TRPM3: variants seen among roughly 807,000 people sequenced by gnomAD.
TRPM3 encodes the protein long transient receptor potential channel 3.
TRPM3 carries 77 observed loss-of-function variants against 181.2 expected under a neutral mutation model. The observed-to-expected ratio is 0.42, with a 90% confidence interval of 0.35 to 0.51. The LOEUF is 0.51. Among genes scored for constraint, TRPM3 ranks in the 20% least tolerant of loss-of-function variants. TRPM3 has a pLI of 0.01. For missense variants in TRPM3, 1,759 were observed against 2,196.7 expected (o/e 0.80, Z 3.98); for synonymous variants, 745 against 796.4 (o/e 0.94, Z 1.09).
intron 4 of TRPM3, among the ~76,000 whole-genome samples, chr9:70,843,507 A>G (rs1454932330): frequency 4.6e-5 from 7 of 151,736 alleles, no homozygotes; most frequent in Admixed American, 3.3e-4. Flanking sequence ...TAAAAGCACC[A>G]TGTATAATGG....
At chr9:71,425,468 C>T (rs72735855) in intron 1 of TRPM3, among the ~76,000 whole-genome samples, 1,826 of 152,220 alleles carry the variant, frequency 0.012, 23 homozygotes, top group Middle Eastern at 0.037. Flanking sequence ...GATTCATGTG[C>T]CTCTCTTAAC....
intron 1 of TRPM3, among the ~76,000 whole-genome samples, chr9:71,220,134 A>T (rs2080143126): frequency 6.6e-6 from 1 of 152,152 alleles, no homozygotes; most frequent in African/African-American, 2.4e-5. Flanking sequence ...TACATGTTTA[A>T]AGCCCCTCTA....
chr9:70,843,197 T>A (rs2094792206), intron 4 of TRPM3, 70 bp from the exon 5 acceptor site: 19 of 1,496,212 alleles, frequency 1.3e-5, no homozygotes, highest in Admixed American at 2.1e-5. Flanking sequence ...TAAAGAAAAC[T>A]GTGGTAATGG....
intron 1 of TRPM3, among the ~76,000 whole-genome samples, chr9:71,390,646 A>C (rs2093040315): frequency 6.6e-6 from 1 of 151,978 alleles, no homozygotes; most frequent in Non-Finnish European, 1.5e-5. Flanking sequence ...TTTGTCTATA[A>C]ATGTATGAAT....
At chr9:70,592,211 G>A (rs1024728843) in intron 21 of TRPM3, among the ~76,000 whole-genome samples, 1 of 152,126 alleles carries the variant, frequency 6.6e-6, no homozygotes, top group African/African-American at 2.4e-5. Flanking sequence ...ATGGCCACAA[G>A]GTAGGTGTGT....
chr9:70,946,032 A>G (rs137953133), intron 1 of TRPM3, among the ~76,000 whole-genome samples: 144 of 152,322 alleles, frequency 9.5e-4, no homozygotes, highest in African/African-American at 2.7e-3. Flanking sequence ...TTAGTCAACA[A>G]TAGTTAAGTA....
chr9:70,567,657 C>G (rs1181864239), intron 22 of TRPM3, among the ~76,000 whole-genome samples: 1 of 148,130 alleles, frequency 6.8e-6, no homozygotes, highest in Non-Finnish European at 1.5e-5. Flanking sequence ...AACTAAACCA[C>G]AAGTCGTATA....
At chr9:70,768,593 T>C (rs1039271000) in intron 7 of TRPM3, among the ~76,000 whole-genome samples, 1 of 130,960 alleles carries the variant, frequency 7.6e-6, no homozygotes, top group Non-Finnish European at 1.8e-5. Context: ...CTAGAAACTA[T>C]CTTTTCTTTT....
chr9:70,605,700 G>A (rs1305545171), intron 19 of TRPM3, among the ~76,000 whole-genome samples: 2 of 152,088 alleles, frequency 1.3e-5, no homozygotes, highest in African/African-American at 2.4e-5. Flanking sequence ...GACTTTAGTG[G>A]TTAAAACTCT....
intron 22 of TRPM3, among the ~76,000 whole-genome samples, chr9:70,578,494 TG>T (rs1314307658): frequency 2.0e-5 from 3 of 152,218 alleles, no homozygotes; most frequent in African/African-American, 4.8e-5. Context: ...CCCAAGGGCA[TG>T]GGACAAGATC....
chr9:71,060,825 G>A (rs1314286275), intron 1 of TRPM3, among the ~76,000 whole-genome samples: 1 of 152,078 alleles, frequency 6.6e-6, no homozygotes, highest in Non-Finnish European at 1.5e-5. Context: ...TAGGGATATG[G>A]CTGCAAACAA....
chr9:71,176,998 C>T (rs915796817), intron 1 of TRPM3, among the ~76,000 whole-genome samples: 3 of 152,028 alleles, frequency 2.0e-5, no homozygotes, highest in African/African-American at 4.8e-5. Flanking sequence ...TGCAAGAGAG[C>T]GAAGCTTCAT....
chr9:71,121,515 G>A lies in TRPM3; in HGVS notation c.-161C>T. On this transcript the variant is annotated 5_prime_UTR_variant, in exon 1 of 26. Transcript: ENST00000677713. ...CATGCATACCAAATGTGGCTGAATGGAGGCACACTGCCTGCTGCTTCGGGG... is the reference window on the plus strand; with the variant it reads ...CATGCATACCAAATGTGGCTGAATGAAGGCACACTGCCTGCTGCTTCGGGG... 1 of 1,406,890 alleles carries A rather than the reference G, an allele frequency of 7.1e-7. No individual in the cohort carries two copies. Among genetic ancestry groups the A allele is most frequent in the Non-Finnish European group, 9.2e-7 (1 of 1,084,032 alleles). The allele number at this position is 1,406,890 out of a possible 1,614,324, so 87.2% of individuals were successfully genotyped here.
At chr9:70,594,886 A>G (rs1890769) in intron 21 of TRPM3, among the ~76,000 whole-genome samples, 114,860 of 151,994 alleles carry the variant, frequency 0.76, 43,720 homozygotes, top group East Asian at 0.85. Context: ...GGTCCATCTG[A>G]CTCACTGATA....
chr9:71,262,688 TGTGGGTTGTGAAGACC>T (rs1337829960), intron 1 of TRPM3, among the ~76,000 whole-genome samples: 7 of 152,222 alleles, frequency 4.6e-5, no homozygotes, highest in Admixed American at 1.3e-4. Context: ...TCTCCTGGTC[TGTGGGTTGTGAAGACC>T]GTGGGAAAAG....
rs2132219515 is a variant in TRPM3 at position 71,283,458 on chromosome 9, G to A, written c.183+163195C>T. Among the ~76,000 whole-genome samples, 3 of 152,102 alleles carry A rather than the reference G, an allele frequency of 2.0e-5. 1 individual carries two copies. The South Asian group carries it at 6.2e-4, about 32-fold the overall frequency. ...ACTACAGGCACCCACCACCACGCCT[G>A]GCTGATTTTTTGCATTTTTTTTTTC... is the stretch of plus-strand genomic sequence containing the variant. On this transcript the variant is annotated intron_variant, in intron 1 of 24. Coordinates refer to the TRPM3 transcript ENST00000357533.
chr9:70,783,910 C>T (rs1447045172), intron 7 of TRPM3, 195 bp downstream of exon 7: 1 of 1,298,616 alleles, frequency 7.7e-7, no homozygotes, highest in Non-Finnish European at 9.8e-7. Context: ...TAGAATTTCC[C>T]ACTTCACAGG....
chr9:70,607,493 A>G (rs1018284945), intron 19 of TRPM3, among the ~76,000 whole-genome samples: 22 of 152,198 alleles, frequency 1.4e-4, no homozygotes, highest in African/African-American at 5.3e-4. Context: ...GCTGAGGCCA[A>G]TCCAGTCAGC....
At chr9:71,127,303 A>T (rs1039291443) in intron 1 of TRPM3, among the ~76,000 whole-genome samples, 4 of 152,020 alleles carry the variant, frequency 2.6e-5, no homozygotes, top group Admixed American at 2.0e-4. Flanking sequence ...ACACACACAC[A>T]CACACACACA....
Sources: allele counts gnomAD v4.1 joint callset (sites outside exome capture counted in the v4.1 genomes callset), GRCh38; gene constraint gnomAD v4.1.1; transcripts MANE v1.5; gene names NCBI Gene and HGNC (gene_info 2026-07-23, HGNC 2026-07-21).